Variants in ATP9A observed in about 807,000 individuals in gnomAD.
ATP9A encodes ATPase phospholipid transporting 9A, also known as probable phospholipid-transporting ATPase IIA.
A neutral mutation model predicts 144.1 loss-of-function variants in ATP9A; 52 were observed. That is an observed-to-expected ratio of 0.36 (90% CI 0.29 to 0.45). The LOEUF (loss-of-function observed/expected upper bound fraction) is 0.45. Ranked by LOEUF, ATP9A falls within the 20% of genes least tolerant of loss-of-function variation. The pLI, the probability that ATP9A is intolerant of heterozygous loss-of-function variation, is 1.00. For synonymous variants in ATP9A, 582 were observed against 557.4 expected (o/e 1.04, Z -0.62); for missense variants, 947 against 1,392.7 (o/e 0.68, Z 5.09).
chr20:51,687,519 G>C (rs1324806403), intron 9 of ATP9A, among the ~76,000 whole-genome samples: 1 of 152,126 alleles, frequency 6.6e-6, no homozygotes, highest in Non-Finnish European at 1.5e-5. Context: ...TATGATCCCA[G>C]CGTTTTGGCT....
At chr20:51,680,065 A>G (rs536458924) in intron 9 of ATP9A, among the ~76,000 whole-genome samples, 60 of 152,110 alleles carry the variant, frequency 3.9e-4, no homozygotes, top group Middle Eastern at 6.8e-3. Flanking sequence ...TCCCGTCTCC[A>G]CTAAAAATAT....
At chr20:51,673,464 A>C (rs894523152) in intron 11 of ATP9A, among the ~76,000 whole-genome samples, 2 of 152,164 alleles carry the variant, frequency 1.3e-5, no homozygotes, top group African/African-American at 4.8e-5. Flanking sequence ...TTCATTGCAC[A>C]CCTACAGCAG....
intron 14 of ATP9A, among the ~76,000 whole-genome samples, chr20:51,641,471 T>C (rs1051785296): frequency 2.0e-5 from 3 of 151,688 alleles, no homozygotes; most frequent in Non-Finnish European, 4.4e-5. Flanking sequence ...TGAGCCATAA[T>C]GGTGCCACAC....
chr20:51,751,482 G>A lies in ATP9A; in HGVS notation c.68+16820C>T, dbSNP rs148171457. 2.4e-3 allele frequency among the ~76,000 whole-genome samples: 372 copies of A among 151,930 alleles called. 1 individual carries two copies. Among genetic ancestry groups the A allele is most frequent in the Non-Finnish European group, 3.8e-3 (260 of 67,970 alleles). Reference sequence around the variant, plus strand: ...TCCCTATGTTGCCCAGGCTGGTCTCGAACTCCTGGGCTTAAGAAATCCTCC... The same window carrying A: ...TCCCTATGTTGCCCAGGCTGGTCTCAAACTCCTGGGCTTAAGAAATCCTCC... On this transcript the variant is annotated intron_variant, in intron 1 of 27. Transcript: ENST00000338821.
At chr20:51,604,737 C>A (rs1015766897) in intron 27 of ATP9A, 80 bp downstream of exon 27, 3 of 1,305,248 alleles carry the variant, frequency 2.3e-6, no homozygotes, top group African/African-American at 1.5e-5. Context: ...GGGAACCCCC[C>A]TTCCTTCATA....
chr20:51,660,824 T>C (rs2077407512), intron 13 of ATP9A, among the ~76,000 whole-genome samples: 2 of 152,306 alleles, frequency 1.3e-5, no homozygotes, highest in Admixed American at 1.3e-4. Flanking sequence ...CTCCTCCCCA[T>C]AGGCCCTTTA....
chr20:51,611,640 T>A lies in ATP9A; in HGVS notation c.2572-1475A>T, dbSNP rs2122712774. ...CTCATCCTGGAATTCTTTTTCTACATCAATGTTAACAGTAACATCCAGTTT... is the reference window on the plus strand; with the variant it reads ...CTCATCCTGGAATTCTTTTTCTACAACAATGTTAACAGTAACATCCAGTTT... On this transcript the variant is annotated intron_variant, in intron 23 of 27. Coordinates refer to ENST00000338821, the MANE Select transcript of ATP9A (RefSeq NM_006045.3). The surrounding 1 kb of genome is among the most constrained non-coding windows in gnomAD (Gnocchi z 4.2). Among the ~76,000 whole-genome samples the A allele has an allele frequency of 6.6e-6, 1 of 152,312 alleles. No homozygotes were observed. Among genetic ancestry groups the A allele is most frequent in the African/African-American group, 2.4e-5 (1 of 41,562 alleles).
chr20:51,725,954 G>C (rs752830749), intron 2 of ATP9A, 22 bp from the exon 3 acceptor site: 2 of 1,378,712 alleles, frequency 1.5e-6, no homozygotes, highest in Non-Finnish European at 2.1e-6. Context: ...GGAGACAACA[G>C]AGAAAGACAT....
intron 3 of ATP9A, among the ~76,000 whole-genome samples, chr20:51,723,006 C>T (rs1209209914): frequency 6.6e-6 from 1 of 152,098 alleles, no homozygotes; most frequent in African/African-American, 2.4e-5. Context: ...GAGATTGATG[C>T]CCATCAATCG....
chr20:51,697,686 C>T (rs1390656991), intron 4 of ATP9A, among the ~76,000 whole-genome samples: 1 of 152,084 alleles, frequency 6.6e-6, no homozygotes, highest in Admixed American at 6.6e-5. Context: ...GAAATAAATG[C>T]CCACTTCACA....
Position 51,627,520 on chromosome 20 carries a change from T to C in ATP9A, c.1845+80A>G, listed in dbSNP as rs182715410. On this transcript the variant is annotated intron_variant, in intron 17 of 27. Transcript: ENST00000338821. ...AGAAATGACATCAGAATGGCTCGCA[T>C]AGGATGAGGGATGGTGGAAGGAGTG... is the stretch of plus-strand genomic sequence containing the variant. The C allele has an allele frequency of 6.0e-4, 778 of 1,297,436 alleles. 1 individual carries two copies. The highest frequency in any genetic ancestry group is 8.0e-4 in the Admixed American group (47 of 58,518). 80.4% of individuals were successfully genotyped at this position (1,297,436 alleles called of 1,614,324 possible). A position where few individuals can be genotyped will look rare whatever the true frequency, so the allele number is the denominator to read the frequency against.
intron 1 of ATP9A, among the ~76,000 whole-genome samples, chr20:51,754,181 T>C (rs926326782): frequency 2.6e-5 from 4 of 152,138 alleles, no homozygotes; most frequent in African/African-American, 9.7e-5. Context: ...CTAACCTATA[T>C]GTCTAAAACT....
intron 1 of ATP9A, among the ~76,000 whole-genome samples, chr20:51,739,106 A>G (rs2122886323): frequency 6.6e-6 from 1 of 152,232 alleles, no homozygotes; most frequent in East Asian, 1.9e-4. Flanking sequence ...GTGAACCACC[A>G]GCTATGACTC....
At chr20:51,658,362 G>A (rs1204501760) in intron 13 of ATP9A, among the ~76,000 whole-genome samples, 2 of 152,018 alleles carry the variant, frequency 1.3e-5, no homozygotes, top group Non-Finnish European at 1.5e-5. Context: ...GCTGAGGCAG[G>A]AGAGGAGTGA....
intron 11 of ATP9A, among the ~76,000 whole-genome samples, chr20:51,673,839 C>T (rs916784064): frequency 2.6e-5 from 4 of 152,054 alleles, no homozygotes; most frequent in Non-Finnish European, 5.9e-5. Context: ...CACCTGAGGT[C>T]AGGAGTTCAA....
chr20:51,730,567 G>T (rs983998286), intron 1 of ATP9A, among the ~76,000 whole-genome samples: 1 of 152,224 alleles, frequency 6.6e-6, no homozygotes, highest in Non-Finnish European at 1.5e-5. Context: ...TCTAAGAAAC[G>T]CATTAGGCCA....
At chr20:51,723,976 G>C (rs962923313) in intron 3 of ATP9A, among the ~76,000 whole-genome samples, 8 of 152,038 alleles carry the variant, frequency 5.3e-5, no homozygotes, top group African/African-American at 1.9e-4. Flanking sequence ...TTTGAGACCA[G>C]CCTGGCCAAC....
At chr20:51,658,104 GGT>G (rs1491103996) in intron 13 of ATP9A, among the ~76,000 whole-genome samples, 2 of 152,188 alleles carry the variant, frequency 1.3e-5, no homozygotes, top group Non-Finnish European at 2.9e-5. Flanking sequence ...TTCTTGGATG[GGT>G]GGCAAGCAGC....
chr20:51,737,946 T>G (rs1369817551), intron 1 of ATP9A, among the ~76,000 whole-genome samples: 1 of 152,106 alleles, frequency 6.6e-6, no homozygotes, highest in African/African-American at 2.4e-5. Flanking sequence ...CCCAGATTCT[T>G]AGGAGACTGA....
Sources: allele counts gnomAD v4.1 joint callset (sites outside exome capture counted in the v4.1 genomes callset), GRCh38; gene constraint gnomAD v4.1.1; non-coding constraint Gnocchi (gnomAD v3.1); transcripts MANE v1.5; gene names NCBI Gene and HGNC (gene_info 2026-07-23, HGNC 2026-07-21).